CAMK1D: variants seen among roughly 807,000 people sequenced by gnomAD.
The protein encoded by CAMK1D is calcium/calmodulin dependent protein kinase ID.
Under a neutral mutation model 47.7 loss-of-function variants are expected in CAMK1D, and 9 were observed. That is an observed-to-expected ratio of 0.19 (90% CI 0.11 to 0.33). The LOEUF (loss-of-function observed/expected upper bound fraction) is 0.33. CAMK1D is among the 10% of genes least tolerant of loss of function. The pLI, the probability that CAMK1D is intolerant of heterozygous loss-of-function variation, is 1.00. For synonymous variants in CAMK1D, 184 were observed against 184.9 expected, an observed-to-expected ratio of 0.99 and a Z score of 0.04; for missense variants, 291 against 488.7, an observed-to-expected ratio of 0.60 and a Z score of 3.81.
chr10:12,587,952 C>T (rs930388962), intron 2 of CAMK1D, among the ~76,000 whole-genome samples: 4 of 151,720 alleles, frequency 2.6e-5, no homozygotes, highest in Admixed American at 1.3e-4. Flanking sequence ...GTGCCTTTCT[C>T]GGTGATTTGG....
intron 2 of CAMK1D, among the ~76,000 whole-genome samples, chr10:12,586,944 CCTG>C (rs1837836329): frequency 6.6e-6 from 1 of 152,102 alleles, no homozygotes; most frequent in East Asian, 1.9e-4. Context: ...GGTTGCTTCT[CCTG>C]CTGATAAGGA....
chr10:12,666,822 G>A lies in CAMK1D; in HGVS notation c.299+12G>A. 6.2e-7 allele frequency: 1 copy of A among 1,606,364 alleles called. No individual in the cohort carries two copies. The highest frequency in any genetic ancestry group is 8.5e-7 in the Non-Finnish European group (1 of 1,173,466). ...TTGGTCATGCAGCTGTAAGTACCTT[G>A]TTTGATTGATGAGTTTTGAACCAAC... is the stretch of plus-strand genomic sequence containing the variant. On this transcript the variant is annotated intron_variant, in intron 3 of 10. Transcript: ENST00000619168.
At chr10:12,361,248 GTT>G (rs55700646) in intron 1 of CAMK1D, among the ~76,000 whole-genome samples, 9,015 of 120,092 alleles carry the variant, frequency 0.075, 375 homozygotes, top group African/African-American at 0.14. Context: ...CTATTTGACT[GTT>G]TTTTTTTTTT....
At chr10:12,506,281 G>A (rs1011365941) in intron 1 of CAMK1D, among the ~76,000 whole-genome samples, 15 of 152,072 alleles carry the variant, frequency 9.9e-5, no homozygotes, top group African/African-American at 3.1e-4. Context: ...CTAGCCGAGT[G>A]GGGTGCCATG....
chr10:12,701,797 G>A (rs919207751), intron 3 of CAMK1D, among the ~76,000 whole-genome samples: 4 of 152,212 alleles, frequency 2.6e-5, no homozygotes, highest in African/African-American at 9.6e-5. Flanking sequence ...CTTAGGGGCT[G>A]AACGTGACAG....
At chr10:12,596,529 C>G (rs1421659717) in intron 2 of CAMK1D, among the ~76,000 whole-genome samples, 1 of 152,110 alleles carries the variant, frequency 6.6e-6, no homozygotes, top group African/African-American at 2.4e-5. Flanking sequence ...TAGTGGCCTC[C>G]CAGTTAAATA....
intron 1 of CAMK1D, among the ~76,000 whole-genome samples, chr10:12,542,020 A>G (rs541976669): frequency 6.6e-6 from 1 of 152,010 alleles, no homozygotes; most frequent in East Asian, 1.9e-4. Flanking sequence ...GACAATAGGC[A>G]TGCACCACCA....
intron 2 of CAMK1D, among the ~76,000 whole-genome samples, chr10:12,583,541 A>G (rs905030512): frequency 6.6e-6 from 1 of 151,706 alleles, no homozygotes; most frequent in African/African-American, 2.4e-5. Context: ...GACCTTGCTC[A>G]TTCAGGTAGC....
At chr10:12,767,734 T>C (rs1469986427) in intron 4 of CAMK1D, among the ~76,000 whole-genome samples, 2 of 152,332 alleles carry the variant, frequency 1.3e-5, no homozygotes, top group South Asian at 2.1e-4. Context: ...TTTGAGTCTC[T>C]GATCAGTTCT....
At chr10:12,521,876 TG>T (rs1403462253) in intron 1 of CAMK1D, among the ~76,000 whole-genome samples, 1 of 151,650 alleles carries the variant, frequency 6.6e-6, no homozygotes, top group Non-Finnish European at 1.5e-5. Flanking sequence ...AAGTTTACTT[TG>T]TTTGCTATTT....
chr10:12,529,198 C>T (rs1485031782), intron 1 of CAMK1D, among the ~76,000 whole-genome samples: 8 of 152,082 alleles, frequency 5.3e-5, no homozygotes, highest in Non-Finnish European at 8.8e-5. Context: ...CCAAGCACCC[C>T]GCGGGGAACA....
At chr10:12,631,851 A>G (rs1839388689) in intron 2 of CAMK1D, among the ~76,000 whole-genome samples, 1 of 152,184 alleles carries the variant, frequency 6.6e-6, no homozygotes, top group Non-Finnish European at 1.5e-5. Flanking sequence ...GAGCGTGAGG[A>G]AAGCACTTTC....
intron 2 of CAMK1D, among the ~76,000 whole-genome samples, chr10:12,640,668 A>C (rs1266206591): frequency 6.6e-6 from 1 of 152,186 alleles, no homozygotes; most frequent in Non-Finnish European, 1.5e-5. Flanking sequence ...GTAACTGGTA[A>C]AAAGAACACT....
intron 1 of CAMK1D, among the ~76,000 whole-genome samples, chr10:12,480,841 A>G (rs1564364991): frequency 6.6e-6 from 1 of 152,106 alleles, no homozygotes; most frequent in Non-Finnish European, 1.5e-5. Flanking sequence ...ACGTGTAGAT[A>G]TATGAGATGC....
intron 3 of CAMK1D, among the ~76,000 whole-genome samples, chr10:12,677,238 A>C (rs867633508): frequency 1.3e-5 from 2 of 152,226 alleles, no homozygotes; most frequent in African/African-American, 4.8e-5. Context: ...AGTTTTAATT[A>C]GAACACAAAT....
rs1838811468 is a variant in CAMK1D, at chr10:12,616,242, T to A, written c.225-50494T>A. On this transcript the variant is annotated intron_variant, in intron 2 of 10. Transcript: ENST00000619168. ...GTAAGGAAATAGGAAGAAATAAAAT[T>A]AGTTTTCCAAGTATGGGCAGGCTTG... Among the ~76,000 whole-genome samples, 3 of 152,276 alleles carry A rather than the reference T, an allele frequency of 2.0e-5. No homozygotes were observed. The South Asian group carries it at 6.2e-4, about 32-fold the overall frequency.
intron 2 of CAMK1D, among the ~76,000 whole-genome samples, chr10:12,647,308 C>G (rs1588729552): frequency 1.3e-5 from 2 of 151,712 alleles, no homozygotes; most frequent in Admixed American, 6.6e-5. Context: ...GCTACCACAC[C>G]TGGCTAATTT....
In CAMK1D at chr10:12,388,294, T is replaced by C. The variant is rs182813610; in HGVS notation, c.92+38384T>C. Among the ~76,000 whole-genome samples the C allele has an allele frequency of 4.5e-3, 683 of 152,278 alleles. 4 individuals carry two copies. The highest frequency in any genetic ancestry group is 0.015 in the South Asian group (70 of 4,826). The stretch of plus-strand genomic sequence containing the variant: ...CGCTGGCCTTGACCTCCCAAAGTGC[T>C]GAGATTACACGTGTGAGCCACCGTG... On this transcript the variant is annotated intron_variant, in intron 1 of 10. Transcript: ENST00000619168.
chr10:12,735,195 G>T (rs1050850259), intron 3 of CAMK1D, among the ~76,000 whole-genome samples: 4 of 152,194 alleles, frequency 2.6e-5, no homozygotes, highest in Non-Finnish European at 1.5e-5. Flanking sequence ...CGAAAGTGTC[G>T]GCCGGGCGCG....
Sources: gnomAD v4.1 joint callset for allele counts (sites outside exome capture counted in the v4.1 genomes callset) on GRCh38, gnomAD v4.1.1 for gene constraint, MANE v1.5 for transcripts, NCBI Gene and HGNC (gene_info 2026-07-23, HGNC 2026-07-21) for gene names.